The following VARS1 variants were observed in gnomAD, a reference collection of about 807,000 sequenced individuals.
The protein encoded by VARS1 is valyl-tRNA synthetase 1.
Under a neutral mutation model 161.0 loss-of-function variants are expected in VARS1, and 92 were observed. That is an observed-to-expected ratio of 0.57 (90% CI 0.48 to 0.68). The LOEUF (loss-of-function observed/expected upper bound fraction) is 0.68, where lower values mean the gene tolerates loss of function less well. VARS1 is among the 30% of genes least tolerant of loss of function. The pLI is 0.00. For synonymous variants in VARS1, 595 were observed against 682.5 expected (o/e 0.87, Z 2.00); for missense variants, 1,338 against 1,695.9 (o/e 0.79, Z 3.71).
chr6:31,780,007 A>G lies in VARS1; in HGVS notation c.3072T>C (p.Asp1024=), dbSNP rs1813026791. 1 of 1,613,936 alleles carries G rather than the reference A, an allele frequency of 6.2e-7. No individual in the cohort carries two copies. Among genetic ancestry groups the G allele is most frequent in the Non-Finnish European group, 8.5e-7 (1 of 1,180,004 alleles). ...CTGTGCTCCTTCTCACCAAGTAGAC[A>G]TCACAGAGCTCATAGAGCCAGAAGC... is the stretch of plus-strand genomic sequence containing the variant. ...QYSFWLYELC[D]VYLECLKPVL... Residue 1024 remains aspartate, a synonymous_variant, in exon 26 of 30, where the codon GAT becomes GAC. Coordinates refer to ENST00000375663, the MANE Select transcript of VARS1 (RefSeq NM_006295.3). This position sits in a 1 kb window ranked among gnomAD's most constrained non-coding sequence, Gnocchi z 5.1.
rs1813873104 is a variant in VARS1, at chr6:31,791,632, T to C, written c.1078A>G (p.Ile360Val). ...LHLGHALTNA[I>V]QDSLTRWHRM... The stretch of plus-strand genomic sequence containing the variant: ...CACCATCGAGTCAGGGAGTCCTGGA[T>C]GGCGTTGGTGAGTGCATGGCCCAGG... The change falls in exon 8 of 30, where the codon ATC becomes GTC. Residue 360 changes from isoleucine (I) to valine (V), a missense_variant. By Grantham distance (29) the Ile-to-Val change is conservative. This residue lies in a region of VARS1 where 902 missense variants were observed against 1,090.3 expected (regional missense o/e 0.83). Transcript: ENST00000375663. This position sits in a 1 kb window ranked among gnomAD's most constrained non-coding sequence, Gnocchi z 5.0. The C allele has an allele frequency of 6.2e-6, 10 of 1,612,264 alleles. No homozygotes were observed. In the Admixed American group the frequency reaches 1.5e-4, roughly 24 times the overall value.
At position 31,781,043 on chromosome 6, in the gene VARS1, G is replaced by A. The variant is rs707926; in HGVS notation, c.2625C>T (p.Asp875=). 292,260 of 1,613,696 alleles carry A rather than the reference G, an allele frequency of 0.18. 29,908 individuals are homozygous for A. The highest frequency in any genetic ancestry group is 0.33 in the African/African-American group (24,630 of 74,978). ...KSLGNVIDPL[D]VIYGISLQGL... ...CCTGCAGGGAGATTCCATAGATGAC[G>A]TCCAGGGGATCGATGACATTGCCTA... is the stretch of plus-strand genomic sequence containing the variant. The change falls in exon 22 of 30, where the codon GAC becomes GAT. Residue 875 remains aspartate, a synonymous_variant. Coordinates refer to ENST00000375663, the MANE Select transcript of VARS1 (RefSeq NM_006295.3). The surrounding 1 kb of genome is among the most constrained non-coding windows in gnomAD (Gnocchi z 6.8).
intron 8 of VARS1, among the ~76,000 whole-genome samples, chr6:31,790,753 T>G (rs1288875193): frequency 1.3e-5 from 2 of 151,670 alleles, no homozygotes; most frequent in African/African-American, 4.8e-5. Flanking sequence ...AAGTATTAAG[T>G]GTAAGAAGAA....
chr6:31,782,771 T>C lies in VARS1; in HGVS notation c.1837A>G (p.Ser613Gly). The stretch of plus-strand genomic sequence containing the variant: ...AGGGCCCCCCGGGAGTCCATGATGC[T>C]GATGGCCTCCAGCCCGTGCCGCTGC... ...VGQRHGLEAI[S>G]IMDSRGALIN... Residue 613 changes from serine to glycine, a missense_variant, in exon 15 of 30, where the codon AGC becomes GGC. Physicochemically the swap from Ser to Gly is moderately conservative, Grantham distance 56 (BLOSUM62 0). This residue lies in a region of VARS1 where 902 missense variants were observed against 1,090.3 expected (regional missense o/e 0.83). Transcript: ENST00000375663. This position sits in a 1 kb window ranked among gnomAD's most constrained non-coding sequence, Gnocchi z 8.3. The C allele has an allele frequency of 6.2e-7, 1 of 1,613,076 alleles. No individual in the cohort carries two copies.
In VARS1 at chr6:31,783,090, G is replaced by C. The variant is rs764365435; in HGVS notation, c.1762+6C>G. On this transcript the variant is annotated splice_donor_region_variant and intron_variant, in intron 14 of 29. Coordinates refer to ENST00000375663, the MANE Select transcript of VARS1 (RefSeq NM_006295.3). ...CCTCTCCCCACAGGACCAGCCCCTT[G>C]CCCACCTGTGCCAAAGTCCATGTCC... The C allele has an allele frequency of 6.2e-7, 1 of 1,612,134 alleles. No individual in the cohort carries two copies. The highest frequency in any genetic ancestry group is 1.1e-5 in the South Asian group (1 of 90,852).
At position 31,792,986 on chromosome 6, in the gene VARS1, G is replaced by C. The variant is rs138074588; in HGVS notation, c.522C>G (p.Tyr174Ter). 2 of 1,613,688 alleles carry C rather than the reference G, an allele frequency of 1.2e-6. No individual in the cohort carries two copies. The highest frequency in any genetic ancestry group is 1.7e-6 in the Non-Finnish European group (2 of 1,180,042). The change falls in exon 3 of 30, where the codon TAC (tyrosine) becomes TAG (stop). Residue 174 changes from tyrosine (Y) to a stop codon, truncating the protein, a stop_gained and splice_region_variant. Coordinates refer to ENST00000375663, the MANE Select transcript of VARS1 (RefSeq NM_006295.3). LOFTEE classifies it high-confidence loss of function. ...AVTALLLPFR[Y>*]VLDPPARRIW... ...TTCTTCCCCAGGCCTGGTGACTCAC[G>C]TATCGGAAAGGCAGCAGCAAGGCTG... is the stretch of plus-strand genomic sequence containing the variant.
At position 31,779,438 on chromosome 6, in the gene VARS1, C is replaced by T. The variant is rs1212588132; in HGVS notation, c.3387G>A (p.Arg1129=). The change falls in exon 28 of 30, where the codon CGG becomes CGA. Residue 1129 remains arginine, a synonymous_variant. Transcript: ENST00000375663. This position sits in a 1 kb window ranked among gnomAD's most constrained non-coding sequence, Gnocchi z 9.1. ...CCTGAGGCTCACAGTCAGGCCGGATCCGGGTGAGGTTGTAGTCGGCCCGCA... is the reference window on the plus strand; with the variant it reads ...CCTGAGGCTCACAGTCAGGCCGGATTCGGGTGAGGTTGTAGTCGGCCCGCA... ...RSLRADYNLT[R]IRPDCFLEVA... 6.2e-7 allele frequency: 1 copy of T among 1,612,094 alleles called. No individual in the cohort carries two copies. Among genetic ancestry groups the T allele is most frequent in the Non-Finnish European group, 8.5e-7 (1 of 1,179,978 alleles).
Position 31,781,592 on chromosome 6 carries a change from A to C in VARS1, c.2433T>G (p.Ser811Arg). 1 of 1,612,784 alleles carries C rather than the reference A, an allele frequency of 6.2e-7. No individual in the cohort carries two copies. Among genetic ancestry groups the C allele is most frequent in the South Asian group, 1.1e-5 (1 of 91,070 alleles). ...CCAGCAGTGTCCCGGGGTAGAACAC[A>C]CTCAGGTCTTCTGACTGAGGGCAGA... Reference protein sequence around the residue: ...LGWPNQSEDLSVFYPGTLLET... With the variant: ...LGWPNQSEDLRVFYPGTLLET... The change falls in exon 21 of 30, where the codon AGT (serine) becomes AGG (arginine). Residue 811 changes from serine to arginine, a missense_variant. Around this residue, in one of 3 missense-constraint regions of VARS1, gnomAD observed 902 missense variants for 1,090.3 expected, o/e 0.83. Transcript: ENST00000375663. The surrounding 1 kb of genome is among the most constrained non-coding windows in gnomAD (Gnocchi z 6.8).
intron 2 of VARS1, among the ~76,000 whole-genome samples, chr6:31,794,377 T>G (rs1814114900): frequency 2.6e-5 from 4 of 152,172 alleles, no homozygotes; most frequent in Admixed American, 2.6e-4. Context: ...GGACTGATAG[T>G]TACAATCTGG....
intron 8 of VARS1, among the ~76,000 whole-genome samples, chr6:31,787,062 C>CAAAA (rs70990276): frequency 1.4e-5 from 1 of 70,846 alleles, no homozygotes; most frequent in South Asian, 4.6e-4. Context: ...CTAGTCTCTG[C>CAAAA]AAAAAAAAAA....
chr6:31,795,265 A>G lies in VARS1; in HGVS notation c.-33-15T>C. 7.3e-7 allele frequency: 1 copy of G among 1,366,464 alleles called. No individual in the cohort carries two copies. Among genetic ancestry groups the G allele is most frequent in the Non-Finnish European group, 9.5e-7 (1 of 1,056,560 alleles). The allele number at this position is 1,366,464 out of a possible 1,614,324, so 84.6% of individuals were successfully genotyped here. A position where few individuals can be genotyped will look rare whatever the true frequency, so the allele number is the denominator to read the frequency against. ...AGTGGAAAAACCTAAGGAGAAAGAG[A>G]GACAGGGGAAGACTGCGGGATCGAG... On this transcript the variant is annotated splice_polypyrimidine_tract_variant and intron_variant, in intron 1 of 29. Coordinates refer to ENST00000375663, the MANE Select transcript of VARS1 (RefSeq NM_006295.3). The surrounding 1 kb of genome is among the most constrained non-coding windows in gnomAD (Gnocchi z 6.9).
rs1235000928 is a variant in VARS1, at chr6:31,778,879, G to C, written c.3726+88C>G. ...TGTAACTGGTTACGATCAATTAGTT[G>C]TCAACACCACTGCACTCGGACCAGC... is the stretch of plus-strand genomic sequence containing the variant. On this transcript the variant is annotated intron_variant, in intron 29 of 29. Transcript: ENST00000375663. The surrounding 1 kb of genome is among the most constrained non-coding windows in gnomAD (Gnocchi z 5.1). The C allele has an allele frequency of 1.3e-6, 2 of 1,529,272 alleles. No homozygotes were observed. Among genetic ancestry groups the C allele is most frequent in the Non-Finnish European group, 1.8e-6 (2 of 1,116,108 alleles). The allele number at this position is 1,529,272 out of a possible 1,614,324, so 94.7% of individuals were successfully genotyped here. A position where few individuals can be genotyped will look rare whatever the true frequency, so the allele number is the denominator to read the frequency against.
In VARS1 at chr6:31,781,169, C is replaced by T. The variant is rs763183758; in HGVS notation, c.2545-46G>A. ...CCCATGAGACTCAGTCCTCTCCTTC[C>T]CCGGCCTCAGTGCCCCGACCAGGAC... is the stretch of plus-strand genomic sequence containing the variant. On this transcript the variant is annotated intron_variant, in intron 21 of 29. Transcript: ENST00000375663. The surrounding 1 kb of genome is among the most constrained non-coding windows in gnomAD (Gnocchi z 6.8). 1 of 1,601,238 alleles carries T rather than the reference C, an allele frequency of 6.2e-7. No homozygotes were observed. Among genetic ancestry groups the T allele is most frequent in the South Asian group, 1.1e-5 (1 of 90,662 alleles).
chr6:31,787,750 G>A (rs190886033), intron 8 of VARS1, among the ~76,000 whole-genome samples: 1 of 152,300 alleles, frequency 6.6e-6, no homozygotes, highest in East Asian at 1.9e-4. Flanking sequence ...ACTGAGGCAG[G>A]AGGATTGCTT....
Position 31,791,601 on chromosome 6 carries a change from G to A in VARS1, c.1100+9C>T, listed in dbSNP as rs1160725411. 2.5e-6 allele frequency: 4 copies of A among 1,606,322 alleles called. No homozygotes were observed. Among genetic ancestry groups the A allele is most frequent in the Admixed American group, 3.4e-5 (2 of 59,654 alleles). ...AGGGAACCAGAGGAAGGTGCAGATA[G>A]AAGCTCACCATCGAGTCAGGGAGTC... On this transcript the variant is annotated intron_variant, in intron 8 of 29. Transcript: ENST00000375663. The surrounding 1 kb of genome is among the most constrained non-coding windows in gnomAD (Gnocchi z 5.0).
Position 31,785,560 on chromosome 6 carries a change from C to T in VARS1, c.1265+9G>A. The T allele has an allele frequency of 6.3e-7, 1 of 1,598,610 alleles. No individual in the cohort carries two copies. The highest frequency in any genetic ancestry group is 8.5e-7 in the Non-Finnish European group (1 of 1,172,948). ...GGCTGCGATGCCCACAGGGATGCTG[C>T]ATACTCACTCCTCCTTCCACTTCCA... On this transcript the variant is annotated intron_variant, in intron 9 of 29. Coordinates refer to ENST00000375663, the MANE Select transcript of VARS1 (RefSeq NM_006295.3). This position sits in a 1 kb window ranked among gnomAD's most constrained non-coding sequence, Gnocchi z 6.1.
At position 31,781,903 on chromosome 6, in the gene VARS1, C is replaced by T. The variant is rs1480122569; in HGVS notation, c.2291G>A (p.Arg764Gln). The stretch of plus-strand genomic sequence containing the variant: ...TCCGAACTCCTTGGCTGCCTTCTCC[C>T]GGGCCTCCGCCTCATTGCGTCCACT... ...WVSGRNEAEA[R>Q]EKAAKEFGVS... Residue 764 changes from arginine to glutamine, a missense_variant, in exon 19 of 30, where the codon CGG becomes CAG. Physicochemically the swap from Arg to Gln is conservative, Grantham distance 43. This residue lies in a region of VARS1 where 902 missense variants were observed against 1,090.3 expected (regional missense o/e 0.83). Transcript: ENST00000375663. The surrounding 1 kb of genome is among the most constrained non-coding windows in gnomAD (Gnocchi z 6.8). 8.1e-6 allele frequency: 13 copies of T among 1,612,824 alleles called. No individual in the cohort carries two copies. Among genetic ancestry groups the T allele is most frequent in the South Asian group, 1.1e-5 (1 of 91,092 alleles).
Position 31,785,770 on chromosome 6 carries a change from G to A in VARS1, c.1101-37C>T. 6.4e-7 allele frequency: 1 copy of A among 1,568,890 alleles called. No homozygotes were observed. Among genetic ancestry groups the A allele is most frequent in the Non-Finnish European group, 8.6e-7 (1 of 1,164,492 alleles). ...CATGGAGGACCAGAGGGTGAGCCAG[G>A]CCAGTGGGGCCTGGCACCAAAGAAA... is the stretch of plus-strand genomic sequence containing the variant. On this transcript the variant is annotated intron_variant, in intron 8 of 29. Transcript: ENST00000375663. This position sits in a 1 kb window ranked among gnomAD's most constrained non-coding sequence, Gnocchi z 6.1.
chr6:31,783,231 G>T (rs1463810963), intron 13 of VARS1, 45 bp from the exon 14 acceptor site: 1 of 1,584,796 alleles, frequency 6.3e-7, no homozygotes, highest in Admixed American at 1.8e-5. Context: ...AGGGCCAGAC[G>T]CCGTGATTCC....
Sources: gnomAD v4.1 joint callset for allele counts (sites outside exome capture counted in the v4.1 genomes callset) on GRCh38, gnomAD v4.1.1 for gene constraint, gnomAD v4.1.1 regional missense constraint, Gnocchi (gnomAD v3.1) non-coding constraint, MANE v1.5 for transcripts, NCBI Gene and HGNC (gene_info 2026-07-23, HGNC 2026-07-21) for gene names.